The following PTPRD variants were observed in gnomAD, a reference collection of about 807,000 sequenced individuals.
PTPRD encodes the protein receptor-type tyrosine-protein phosphatase delta.
Under a neutral mutation model 214.5 loss-of-function variants are expected in PTPRD, and 34 were observed. The observed-to-expected ratio is 0.16, with a 90% CI of 0.12 to 0.21. The LOEUF (loss-of-function observed/expected upper bound fraction) is 0.21, where lower values mean the gene tolerates loss of function less well. PTPRD is among the 10% of genes least tolerant of loss of function. The pLI, the probability that PTPRD is intolerant of heterozygous loss-of-function variation, is 1.00. For missense variants in PTPRD, 2,545 were observed against 2,398.7 expected (o/e 1.06, Z -1.27); for synonymous variants, 1,128 against 845.7 (o/e 1.33, Z -5.79).
In PTPRD at chr9:9,198,520, G is replaced by T. The variant is rs571230066; in HGVS notation, c.-202-15157C>A. Among the ~76,000 whole-genome samples the T allele has an allele frequency of 2.6e-5, 4 of 151,838 alleles. No individual in the cohort carries two copies. In the East Asian group the frequency reaches 7.8e-4, roughly 29 times the overall value. On this transcript the variant is annotated intron_variant, in intron 9 of 45. Transcript: ENST00000381196. ...GTACCATGTATTTTACTGTTTCTCTGCTGCTCTCAAGTCATTCTCAAGAAT... is the reference window on the plus strand; with the variant it reads ...GTACCATGTATTTTACTGTTTCTCTTCTGCTCTCAAGTCATTCTCAAGAAT...
Position 9,377,802 on chromosome 9 carries a change from T to C in PTPRD, c.-203+19647A>G, listed in dbSNP as rs558131361. On this transcript the variant is annotated intron_variant, in intron 9 of 45. Transcript: ENST00000381196. ...ACAGGAAGTGAGAGAAGTACCACAG[T>C]TGAGACACGGCAGGGTCATACCTAT... Among the ~76,000 whole-genome samples the C allele has an allele frequency of 2.0e-3, 301 of 152,232 alleles. 1 individual carries two copies. Among genetic ancestry groups the C allele is most frequent in the Non-Finnish European group, 3.8e-3 (260 of 68,010 alleles).
intron 2 of PTPRD, among the ~76,000 whole-genome samples, chr9:10,490,343 CAAT>C (rs1014540655): frequency 1.6e-4 from 25 of 151,978 alleles, no homozygotes; most frequent in Admixed American, 1.6e-3. Context: ...TATTTACCAA[CAAT>C]AAGATGAAAG....
chr9:10,330,579 G>A (rs369095800), intron 3 of PTPRD, among the ~76,000 whole-genome samples: 1 of 151,818 alleles, frequency 6.6e-6, no homozygotes, highest in Admixed American at 6.6e-5. Context: ...ATATTTTATT[G>A]CATCACCTTA....
intron 11 of PTPRD, among the ~76,000 whole-genome samples, chr9:8,751,230 CT>C (rs1476425137): frequency 1.3e-5 from 2 of 152,006 alleles, no homozygotes; most frequent in African/African-American, 4.8e-5. Flanking sequence ...GTTTAACACA[CT>C]TTAGAATTTT....
intron 2 of PTPRD, among the ~76,000 whole-genome samples, chr9:10,363,891 G>A (rs560185651): frequency 2.0e-5 from 3 of 150,770 alleles, no homozygotes; most frequent in South Asian, 2.1e-4. Flanking sequence ...ATATTTAATT[G>A]CTTCTGGACA....
At chr9:8,820,074 GA>G (rs1351498070) in intron 11 of PTPRD, among the ~76,000 whole-genome samples, 1 of 152,080 alleles carries the variant, frequency 6.6e-6, no homozygotes, top group East Asian at 1.9e-4. Flanking sequence ...TAAGAGCAGA[GA>G]AAAAGATATA....
At chr9:10,424,671 G>C (rs960620220) in intron 2 of PTPRD, among the ~76,000 whole-genome samples, 4 of 151,874 alleles carry the variant, frequency 2.6e-5, no homozygotes, top group African/African-American at 9.7e-5. Context: ...AAGGGGTTTG[G>C]AAACCCAGAG....
At position 9,326,921 on chromosome 9, in the gene PTPRD, A is replaced by C. The variant is rs138112965; in HGVS notation, c.-203+70528T>G. Among the ~76,000 whole-genome samples the C allele has an allele frequency of 2.4e-3, 366 of 152,302 alleles. 1 individual carries two copies. The highest frequency in any genetic ancestry group is 8.2e-3 in the African/African-American group (342 of 41,570). ...TGTCCCAGAAGCTAATTACCTATGT[A>C]TCAAAGCCTGTCACCAAGTAACAGT... On this transcript the variant is annotated intron_variant, in intron 9 of 45. Transcript: ENST00000381196.
intron 39 of PTPRD, among the ~76,000 whole-genome samples, chr9:8,350,451 G>C (rs997887358): frequency 6.6e-6 from 1 of 152,114 alleles, no homozygotes; most frequent in Non-Finnish European, 1.5e-5. Flanking sequence ...AATGGTATAT[G>C]AACTACAAGT....
chr9:9,467,589 A>C (rs1363152796), intron 8 of PTPRD, among the ~76,000 whole-genome samples: 5 of 55,388 alleles, frequency 9.0e-5, no homozygotes, highest in African/African-American at 5.6e-4. Flanking sequence ...TCCATCTCCC[A>C]AAAAAAAAAA....
intron 5 of PTPRD, among the ~76,000 whole-genome samples, chr9:9,798,216 C>A (rs1331518045): frequency 6.6e-6 from 1 of 152,016 alleles, no homozygotes; most frequent in Non-Finnish European, 1.5e-5. Context: ...TTTATTCATT[C>A]CTCACTAGAT....
At chr9:8,790,657 A>G (rs2096192801) in intron 11 of PTPRD, among the ~76,000 whole-genome samples, 1 of 152,190 alleles carries the variant, frequency 6.6e-6, no homozygotes, top group Non-Finnish European at 1.5e-5. Flanking sequence ...ATATCTAAGC[A>G]TACCTTAGTC....
intron 10 of PTPRD, among the ~76,000 whole-genome samples, chr9:9,138,927 A>G (rs748036226): frequency 1.3e-5 from 2 of 152,194 alleles, no homozygotes; most frequent in African/African-American, 2.4e-5. Context: ...ACTACCCTAG[A>G]CACTAAGTAA....
chr9:9,300,674 G>A (rs907728030), intron 9 of PTPRD, among the ~76,000 whole-genome samples: 1 of 151,768 alleles, frequency 6.6e-6, no homozygotes, highest in East Asian at 1.9e-4. Flanking sequence ...AGGATACAAT[G>A]AGAAGTCAGC....
chr9:8,838,277 G>T (rs1433265033), intron 11 of PTPRD, among the ~76,000 whole-genome samples: 21 of 152,086 alleles, frequency 1.4e-4, no homozygotes, highest in Non-Finnish European at 2.9e-5. Flanking sequence ...AAATACTTGG[G>T]GGAAGGAAGG....
At chr9:8,758,043 C>T (rs141527337) in intron 11 of PTPRD, among the ~76,000 whole-genome samples, 1,651 of 152,268 alleles carry the variant, frequency 0.011, 31 homozygotes, top group African/African-American at 0.037. Flanking sequence ...CATCTCCGTG[C>T]TTCAACTTCC....
intron 3 of PTPRD, among the ~76,000 whole-genome samples, chr9:10,156,548 T>C (rs1471084907): frequency 3.3e-5 from 5 of 152,198 alleles, no homozygotes; most frequent in East Asian, 1.9e-4. Context: ...GATTGTTTTA[T>C]ATATGATTGT....
chr9:10,587,899 G>C (rs759365466), intron 2 of PTPRD, among the ~76,000 whole-genome samples: 46 of 151,964 alleles, frequency 3.0e-4, no homozygotes, highest in Non-Finnish European at 4.7e-4. Flanking sequence ...ATAGGACATA[G>C]GCCCCAAAAT....
At chr9:8,637,368 GA>G (rs2096466861) in intron 12 of PTPRD, among the ~76,000 whole-genome samples, 1 of 152,172 alleles carries the variant, frequency 6.6e-6, no homozygotes, top group Non-Finnish European at 1.5e-5. Flanking sequence ...AGAAATAGGG[GA>G]AAATGGTAAA....
Sources: gnomAD v4.1 joint callset for allele counts (sites outside exome capture counted in the v4.1 genomes callset) on GRCh38, gnomAD v4.1.1 for gene constraint, MANE v1.5 for transcripts, NCBI Gene and HGNC (gene_info 2026-07-23, HGNC 2026-07-21) for gene names.